Variants in TIAM2 observed in about 807,000 individuals in gnomAD.
TIAM2 encodes rho guanine nucleotide exchange factor TIAM2.
TIAM2 carries 80 observed loss-of-function variants against 152.9 expected under a neutral mutation model. The ratio of observed to expected loss-of-function variants is 0.52; its 90% confidence interval spans 0.44 to 0.63. The LOEUF (loss-of-function observed/expected upper bound fraction) is 0.63, where lower values mean the gene tolerates loss of function less well. TIAM2 is among the 30% of genes least tolerant of loss of function. The pLI is 0.00. For missense variants in TIAM2, 1,965 were observed against 2,120.1 expected (o/e 0.93, Z 1.44); for synonymous variants, 804 against 838.0 (o/e 0.96, Z 0.70).
chr6:155,198,242 C>T (rs908152221), intron 14 of TIAM2, among the ~76,000 whole-genome samples: 2 of 152,202 alleles, frequency 1.3e-5, no homozygotes, highest in Admixed American at 6.5e-5. Context: ...CTACTACTGA[C>T]AATCCCTTGA....
chr6:155,162,900 A>T (rs975481508), intron 7 of TIAM2, among the ~76,000 whole-genome samples: 1 of 152,162 alleles, frequency 6.6e-6, no homozygotes, highest in African/African-American at 2.4e-5. Flanking sequence ...ACAAATGATG[A>T]TGATTAAGAA....
intron 14 of TIAM2, among the ~76,000 whole-genome samples, chr6:155,193,614 G>A (rs1326887896): frequency 6.6e-6 from 1 of 152,128 alleles, no homozygotes; most frequent in Non-Finnish European, 1.5e-5. Context: ...AAGACAGTTA[G>A]TTCCGCTCCC....
chr6:154,997,751 C>T (rs1410146750), intron 1 of TIAM2, among the ~76,000 whole-genome samples: 1 of 141,102 alleles, frequency 7.1e-6, no homozygotes, highest in Non-Finnish European at 1.5e-5. Context: ...ATTGATCTTC[C>T]TTCTCTGCCT....
rs1778456346 is a variant in TIAM2 at position 155,098,006 on chromosome 6, C to T, written c.-118+7627C>T. On this transcript the variant is annotated intron_variant, in intron 2 of 26. Coordinates refer to ENST00000682666, the MANE Select transcript of TIAM2 (RefSeq NM_012454.4). The stretch of plus-strand genomic sequence containing the variant: ...TATCTGGATTCTCTGTTCTGTTCTA[C>T]TGGTGTATGTGTTTTTTTGTTTTTC... Among the ~76,000 whole-genome samples, 3 of 152,194 alleles carry T rather than the reference C, an allele frequency of 2.0e-5. 1 individual carries two copies. In the South Asian group the frequency reaches 6.2e-4, roughly 32 times the overall value.
intron 2 of TIAM2, among the ~76,000 whole-genome samples, chr6:155,125,196 G>A (rs925904346): frequency 3.9e-5 from 6 of 152,100 alleles, no homozygotes; most frequent in Non-Finnish European, 5.9e-5. Context: ...ACTTGAACCC[G>A]GGAGGCACAG....
intron 5 of TIAM2, among the ~76,000 whole-genome samples, chr6:155,142,226 T>C (rs1268070906): frequency 6.6e-6 from 1 of 151,188 alleles, no homozygotes; most frequent in Non-Finnish European, 1.5e-5. Context: ...CTTGATGTCA[T>C]AGAGTTAAGA....
At chr6:155,194,779 C>T (rs1205923797) in intron 14 of TIAM2, among the ~76,000 whole-genome samples, 2 of 152,168 alleles carry the variant, frequency 1.3e-5, no homozygotes, top group Admixed American at 6.5e-5. Context: ...GGCTGTGTCC[C>T]CACCCAAATC....
Position 155,179,163 on chromosome 6 carries a change from A to G in TIAM2, c.2628+20A>G. On this transcript the variant is annotated intron_variant, in intron 11 of 26. Coordinates refer to ENST00000682666, the MANE Select transcript of TIAM2 (RefSeq NM_012454.4). ...CAACAGGTAAGTGTGCACTAGCTTT[A>G]GGAAGGGAAACTGAACCACATCTAT... The G allele has an allele frequency of 6.3e-7, 1 of 1,593,264 alleles. No individual in the cohort carries two copies.
At chr6:155,177,571 G>A (rs1457710861) in intron 10 of TIAM2, among the ~76,000 whole-genome samples, 1 of 152,166 alleles carries the variant, frequency 6.6e-6, no homozygotes, top group African/African-American at 2.4e-5. Context: ...GTGCAGTAGA[G>A]CTTAAATAGT....
At chr6:155,058,057 G>C (rs540190766) in intron 1 of TIAM2, among the ~76,000 whole-genome samples, 1 of 152,020 alleles carries the variant, frequency 6.6e-6, no homozygotes, top group African/African-American at 2.4e-5. Context: ...AGCTCTTTCA[G>C]GTGGCTCTTG....
intron 9 of TIAM2, among the ~76,000 whole-genome samples, chr6:155,176,029 G>A (rs1427616088): frequency 1.3e-5 from 2 of 152,216 alleles, no homozygotes; most frequent in African/African-American, 4.8e-5. Flanking sequence ...GATAGTCTTA[G>A]AAGAGAAAGC....
Position 155,257,077 on chromosome 6 carries a change from A to G in TIAM2, c.5062A>G (p.Ser1688Gly). Residue 1688 changes from serine (S) to glycine (G), a missense_variant, in exon 27 of 27, where the codon AGT becomes GGT. Ser to Gly is a moderately conservative substitution (Grantham distance 56, BLOSUM62 0). Coordinates refer to ENST00000682666, the MANE Select transcript of TIAM2 (RefSeq NM_012454.4). ...FSVQSLTSVV[S>G]EECFYETESH... ...TGTCCAGAGTTTAACATCTGTTGTC[A>G]GTGAGGAGTGTTTTTATGAAACAGA... 6.2e-7 allele frequency: 1 copy of G among 1,613,174 alleles called. No individual in the cohort carries two copies. Among genetic ancestry groups the G allele is most frequent in the Non-Finnish European group, 8.5e-7 (1 of 1,179,518 alleles).
chr6:155,072,625 G>A (rs796229577), intron 1 of TIAM2, among the ~76,000 whole-genome samples: 1 of 152,110 alleles, frequency 6.6e-6, no homozygotes, highest in South Asian at 2.1e-4. Context: ...ATTTTTTGAG[G>A]TGGTACATCT....
chr6:155,103,723 C>CAAAAAAAAAAAAA, intron 2 of TIAM2, among the ~76,000 whole-genome samples: 1 of 59,874 alleles, frequency 1.7e-5, no homozygotes, highest in Non-Finnish European at 2.9e-5. Context: ...GACTCTGTCT[C>CAAAAAAAAAAAAA]AAAAAAAAAA....
At chr6:155,135,478 T>C (rs1196896508) in intron 4 of TIAM2, among the ~76,000 whole-genome samples, 1 of 152,224 alleles carries the variant, frequency 6.6e-6, no homozygotes, top group African/African-American at 2.4e-5. Context: ...GTTATCTTCA[T>C]TTAAGCCATA....
chr6:155,040,541 C>T (rs570721368), intron 1 of TIAM2, among the ~76,000 whole-genome samples: 47 of 152,122 alleles, frequency 3.1e-4, no homozygotes, highest in Middle Eastern at 6.8e-3. Flanking sequence ...GTTGTTGAGA[C>T]GGAGTCTTGC....
In TIAM2 at chr6:155,115,717, G is replaced by A. The variant is rs1294475756; in HGVS notation, c.-117-11773G>A. Among the ~76,000 whole-genome samples, 4 of 152,140 alleles carry A rather than the reference G, an allele frequency of 2.6e-5. No homozygotes were observed. In the East Asian group the frequency reaches 7.7e-4, roughly 29 times the overall value. On this transcript the variant is annotated intron_variant, in intron 2 of 26. Coordinates refer to ENST00000682666, the MANE Select transcript of TIAM2 (RefSeq NM_012454.4). ...ATATCCAGGTTTGATTCCTACCTTTGCCTCATTATTCATCCCCTGGAGGCT... is the reference window on the plus strand; with the variant it reads ...ATATCCAGGTTTGATTCCTACCTTTACCTCATTATTCATCCCCTGGAGGCT...
intron 2 of TIAM2, among the ~76,000 whole-genome samples, chr6:155,108,144 A>T (rs951461679): frequency 6.6e-6 from 1 of 152,314 alleles, no homozygotes; most frequent in African/African-American, 2.4e-5. Context: ...TACTTTCAGC[A>T]TTATGAGGTT....
At chr6:155,049,044 G>A (rs183742260) in intron 1 of TIAM2, among the ~76,000 whole-genome samples, 4 of 152,068 alleles carry the variant, frequency 2.6e-5, no homozygotes, top group African/African-American at 7.2e-5. Context: ...CAAGTGATCC[G>A]CCCGTCTCGG....
Sources: allele counts gnomAD v4.1 joint callset (sites outside exome capture counted in the v4.1 genomes callset), GRCh38; gene constraint gnomAD v4.1.1; transcripts MANE v1.5; gene names NCBI Gene and HGNC (gene_info 2026-07-23, HGNC 2026-07-21).